Variants in RFC1 observed in about 807,000 individuals in gnomAD.
RFC1 encodes the protein replication factor C subunit 1, also known as A1 140 kDa subunit.
Under a neutral mutation model 137.4 loss-of-function variants are expected in RFC1, and 37 were observed. The observed-to-expected ratio is 0.27, with a 90% CI of 0.21 to 0.35. RFC1 has a LOEUF of 0.35. RFC1 is among the 10% of genes least tolerant of loss of function. The probability of loss-of-function intolerance (pLI) is 1.00; values close to 1 mark genes in which losing one functional copy is unlikely to be tolerated. For synonymous variants in RFC1, 429 were observed against 455.7 expected, an observed-to-expected ratio of 0.94 and a Z score of 0.75; for missense variants, 1,205 against 1,358.5, an observed-to-expected ratio of 0.89 and a Z score of 1.78.
chr4:39,356,739 T>C lies in RFC1; in HGVS notation c.4-5263A>G, dbSNP rs137922661. ...TATACTTTCACTTTTAGTAGGACAT[T>C]TCCTCTTCTTTAAAATTTATTTTAA... is the stretch of plus-strand genomic sequence containing the variant. On this transcript the variant is annotated intron_variant, in intron 1 of 24. Transcript: ENST00000349703. Among the ~76,000 whole-genome samples, 81 of 152,334 alleles carry C rather than the reference T, an allele frequency of 5.3e-4. 1 individual carries two copies. Among genetic ancestry groups the C allele is most frequent in the African/African-American group, 1.8e-3 (76 of 41,570 alleles).
intron 6 of RFC1, among the ~76,000 whole-genome samples, chr4:39,325,796 G>GGAAGCC (rs1394494870): frequency 6.6e-6 from 1 of 152,298 alleles, no homozygotes; most frequent in East Asian, 1.9e-4. Context: ...CCTATTACAA[G>GGAAGCC]CTGACATCTC....
Position 39,309,044 on chromosome 4 carries a change from G to T in RFC1, c.1489-12C>A, listed in dbSNP as rs372617049. On this transcript the variant is annotated splice_polypyrimidine_tract_variant and intron_variant, in intron 12 of 24. Transcript: ENST00000349703. ...GACTCTTTCTTCATCTTAAGAAGTGGAAAAATGAGGAAAAAAGAAACCTGA... is the reference window on the plus strand; with the variant it reads ...GACTCTTTCTTCATCTTAAGAAGTGTAAAAATGAGGAAAAAAGAAACCTGA... 4.5e-6 allele frequency: 7 copies of T among 1,569,814 alleles called. No individual in the cohort carries two copies. The East Asian group carries it at 6.7e-5, about 15-fold the overall frequency.
At position 39,351,253 on chromosome 4, in the gene RFC1, GAAAAAAAAAAAAAAAAA is replaced by G. The variant is rs58906519; in HGVS notation, c.132+78_132+94del. The G allele has an allele frequency of 5.1e-5, 16 of 315,138 alleles. 1 individual carries two copies. The highest frequency in any genetic ancestry group is 1.3e-4 in the Admixed American group (1 of 7,752). The allele number at this position is 315,138 out of a possible 1,614,324, so 19.5% of individuals were successfully genotyped here. ...GCGACAGAGCAAGACTCTGTCTCAG[GAAAAAAAAAAAAAAAAA>G]AAAAAAAAAAAAAAACTTATAAGAA... On this transcript the variant is annotated intron_variant, in intron 2 of 24. Coordinates refer to ENST00000349703, the MANE Select transcript of RFC1 (RefSeq NM_002913.5).
intron 19 of RFC1, 27 bp from the exon 20 acceptor site, chr4:39,300,441 T>G: frequency 6.3e-7 from 1 of 1,585,308 alleles, no homozygotes; most frequent in South Asian, 1.1e-5. Context: ...ACACACCTAT[T>G]AGAATGGCCA....
intron 10 of RFC1, among the ~76,000 whole-genome samples, chr4:39,316,047 A>G (rs1246954181): frequency 1.3e-5 from 2 of 152,060 alleles, no homozygotes; most frequent in African/African-American, 4.8e-5. Flanking sequence ...CCTGACCAAC[A>G]TGGAGAAACC....
chr4:39,316,671 C>G (rs1171005217), intron 10 of RFC1, among the ~76,000 whole-genome samples: 1 of 152,118 alleles, frequency 6.6e-6, no homozygotes, highest in Non-Finnish European at 1.5e-5. Flanking sequence ...AGTTTTGTCA[C>G]TGGTATAGTC....
intron 4 of RFC1, chr4:39,341,774 C>A: frequency 2.5e-6 from 1 of 398,318 alleles, no homozygotes; most frequent in South Asian, 1.8e-5. Context: ...AGAACAATAT[C>A]CATGAAACAA....
intron 21 of RFC1, chr4:39,297,670 G>A (rs1014162696): frequency 1.3e-5 from 2 of 152,346 alleles, no homozygotes; most frequent in African/African-American, 4.8e-5. Flanking sequence ...AATCTTCTCT[G>A]TATCGTTCCA....
Position 39,312,981 on chromosome 4 carries a change from A to G in RFC1, c.1204-50T>C, listed in dbSNP as rs1739045780. Reference sequence around the variant, plus strand: ...AGAGGAAATTACATGGTAGCTTTCCAAAGAAACATTTGGCATCAAAACTGC... The same window carrying G: ...AGAGGAAATTACATGGTAGCTTTCCGAAGAAACATTTGGCATCAAAACTGC... On this transcript the variant is annotated intron_variant, in intron 10 of 24. Transcript: ENST00000349703. 2.7e-6 allele frequency: 4 copies of G among 1,460,926 alleles called. No homozygotes were observed. In the African/African-American group the frequency reaches 4.2e-5, roughly 15 times the overall value. The allele number at this position is 1,460,926 out of a possible 1,614,324, so 90.5% of individuals were successfully genotyped here.
At position 39,353,043 on chromosome 4, in the gene RFC1, C is replaced by T. The variant is rs565850001; in HGVS notation, c.4-1567G>A. ...AATAAGTGTGACACACACACACACA[C>T]ACACAAATAACTGTGGCTAAGCCAA... is the stretch of plus-strand genomic sequence containing the variant. On this transcript the variant is annotated intron_variant, in intron 1 of 24. Transcript: ENST00000349703. Among the ~76,000 whole-genome samples, 12 of 152,216 alleles carry T rather than the reference C, an allele frequency of 7.9e-5. No individual in the cohort carries two copies. In the South Asian group the frequency reaches 2.5e-3, roughly 32 times the overall value.
chr4:39,343,060 C>T (rs578251623), intron 3 of RFC1, among the ~76,000 whole-genome samples: 4 of 152,218 alleles, frequency 2.6e-5, no homozygotes, highest in South Asian at 4.1e-4. Flanking sequence ...GACGGAGTCT[C>T]GCTCTGTTGT....
At chr4:39,358,416 A>G (rs573466334) in intron 1 of RFC1, among the ~76,000 whole-genome samples, 89 of 152,352 alleles carry the variant, frequency 5.8e-4, no homozygotes, top group African/African-American at 2.0e-3. Context: ...ATGTTTTTAT[A>G]CCAGGAAGTT....
At chr4:39,346,385 A>G (rs1317958510) in intron 2 of RFC1, among the ~76,000 whole-genome samples, 3 of 152,220 alleles carry the variant, frequency 2.0e-5, no homozygotes, top group South Asian at 4.1e-4. Flanking sequence ...CTGAGGCAGG[A>G]GAATCGCTTG....
At chr4:39,348,320 G>C (rs758556323) in intron 2 of RFC1, among the ~76,000 whole-genome samples, 11 of 150,114 alleles carry the variant, frequency 7.3e-5, no homozygotes, top group Non-Finnish European at 1.2e-4. Context: ...CTACTCAGGA[G>C]GCTGAGGCAG....
At chr4:39,327,905 G>A in intron 4 of RFC1, 149 bp from the exon 5 acceptor site, 1 of 630,136 alleles carries the variant, frequency 1.6e-6, no homozygotes. Flanking sequence ...ACCAAGATAG[G>A]AGAATCATTT....
At chr4:39,346,248 G>A (rs1055919109) in intron 2 of RFC1, among the ~76,000 whole-genome samples, 7 of 152,114 alleles carry the variant, frequency 4.6e-5, no homozygotes, top group African/African-American at 7.2e-5. Context: ...AGGCCGAGGC[G>A]GGCAGATCAC....
At chr4:39,364,970 T>C (rs6844176) in intron 1 of RFC1, among the ~76,000 whole-genome samples, 57,365 of 151,796 alleles carry the variant, frequency 0.38, 12,980 homozygotes, top group East Asian at 0.59. Context: ...GCTTCCAAAA[T>C]ACCACAGTGC....
intron 22 of RFC1, 164 bp from the exon 23 acceptor site, chr4:39,292,016 G>A (rs1737706931): frequency 4.9e-6 from 3 of 615,682 alleles, no homozygotes; most frequent in Non-Finnish European, 8.7e-6. Flanking sequence ...AGAAAGCCCA[G>A]CACCACAGCA....
chr4:39,318,747 C>CA (rs1739372926), intron 9 of RFC1, among the ~76,000 whole-genome samples: 1 of 152,126 alleles, frequency 6.6e-6, no homozygotes, highest in African/African-American at 2.4e-5. Flanking sequence ...AATCTGAGAT[C>CA]AAAAAGTTAA....
Sources: gnomAD v4.1 joint callset for allele counts (sites outside exome capture counted in the v4.1 genomes callset) on GRCh38, gnomAD v4.1.1 for gene constraint, MANE v1.5 for transcripts, NCBI Gene and HGNC (gene_info 2026-07-23, HGNC 2026-07-21) for gene names.